TTC28: variants seen among roughly 807,000 people sequenced by gnomAD.
TTC28 encodes tetratricopeptide repeat domain 28, also known as tetratricopeptide repeat protein 28.
Under a neutral mutation model 198.0 loss-of-function variants are expected in TTC28, and 61 were observed. That is an observed-to-expected ratio of 0.31 (90% CI 0.25 to 0.38). The LOEUF (loss-of-function observed/expected upper bound fraction) is 0.38. TTC28 is among the 10% of genes least tolerant of loss of function. The pLI, the probability that TTC28 is intolerant of heterozygous loss-of-function variation, is 1.00. For synonymous variants in TTC28, 1,171 were observed against 1,297.8 expected (o/e 0.90, Z 2.10); for missense variants, 2,678 against 3,164.0 (o/e 0.85, Z 3.69).
chr22:28,177,417 A>G (rs1358021763), intron 5 of TTC28, among the ~76,000 whole-genome samples: 1 of 152,230 alleles, frequency 6.6e-6, no homozygotes, highest in Non-Finnish European at 1.5e-5. Flanking sequence ...GGAATGAAAA[A>G]TGATACAGCC....
intron 16 of TTC28, chr22:27,998,337 C>T (rs1333038142): frequency 1.2e-5 from 10 of 856,500 alleles, no homozygotes; most frequent in South Asian, 5.5e-5. Flanking sequence ...TTCTGTTGCT[C>T]CCTGGTCCAA....
intron 6 of TTC28, among the ~76,000 whole-genome samples, chr22:28,113,152 T>C (rs1223465886): frequency 6.6e-6 from 1 of 152,198 alleles, no homozygotes; most frequent in Non-Finnish European, 1.5e-5. Flanking sequence ...GAAAAATTAC[T>C]AAACATAGAA....
At chr22:28,374,898 C>A (rs933315617) in intron 2 of TTC28, among the ~76,000 whole-genome samples, 3 of 151,382 alleles carry the variant, frequency 2.0e-5, no homozygotes, top group East Asian at 3.9e-4. Context: ...GCCATGTTGG[C>A]CAGGCTGTTC....
chr22:28,205,404 T>A (rs1010232574), intron 5 of TTC28, among the ~76,000 whole-genome samples: 5 of 152,074 alleles, frequency 3.3e-5, no homozygotes, highest in African/African-American at 7.2e-5. Context: ...CCAAAAAAGA[T>A]CATGGGCACC....
chr22:28,496,875 T>G (rs935486517), intron 2 of TTC28, among the ~76,000 whole-genome samples: 1 of 152,096 alleles, frequency 6.6e-6, no homozygotes, highest in Non-Finnish European at 1.5e-5. Context: ...TCCTCCTCAC[T>G]TGCTCCAGAC....
chr22:28,156,625 G>A (rs1384003439), intron 6 of TTC28, among the ~76,000 whole-genome samples: 1 of 152,174 alleles, frequency 6.6e-6, no homozygotes, highest in Non-Finnish European at 1.5e-5. Flanking sequence ...TGTTCCACGT[G>A]TGGGCTCACT....
chr22:28,404,505 C>T, intron 2 of TTC28, among the ~76,000 whole-genome samples: 1 of 152,310 alleles, frequency 6.6e-6, no homozygotes, highest in Admixed American at 6.5e-5. Flanking sequence ...ACTTGTTATC[C>T]TCTCCAAGCA....
At chr22:28,332,089 CA>C in intron 2 of TTC28, among the ~76,000 whole-genome samples, 1 of 152,036 alleles carries the variant, frequency 6.6e-6, no homozygotes, top group Non-Finnish European at 1.5e-5. Flanking sequence ...CTTATCATTT[CA>C]AATGGTTTTA....
chr22:28,498,597 C>CAATAAAATGAT (rs2048490922), intron 2 of TTC28, among the ~76,000 whole-genome samples: 1 of 152,074 alleles, frequency 6.6e-6, no homozygotes, highest in East Asian at 1.9e-4. Flanking sequence ...CTTGGTTTCA[C>CAATAAAATGAT]AATAAAATGA....
intron 2 of TTC28, among the ~76,000 whole-genome samples, chr22:28,455,205 A>G (rs1027193207): frequency 6.6e-6 from 1 of 152,250 alleles, no homozygotes; most frequent in Non-Finnish European, 1.5e-5. Context: ...AGTGCAAGAG[A>G]TAACTTTCCA....
chr22:28,279,448 G>A (rs1279651928), intron 5 of TTC28, among the ~76,000 whole-genome samples: 1 of 152,078 alleles, frequency 6.6e-6, no homozygotes, highest in African/African-American at 2.4e-5. Context: ...TTGGCTCACT[G>A]CAACCTCCTC....
In TTC28 at chr22:27,982,264, T is replaced by C; in HGVS notation, c.7403A>G (p.Lys2468Arg). 2 of 1,475,140 alleles carry C rather than the reference T, an allele frequency of 1.4e-6. No individual in the cohort carries two copies. Among genetic ancestry groups the C allele is most frequent in the African/African-American group, 1.4e-5 (1 of 70,164 alleles). The allele number at this position is 1,475,140 out of a possible 1,614,324, so 91.4% of individuals were successfully genotyped here. A position where few individuals can be genotyped will look rare whatever the true frequency, so the allele number is the denominator to read the frequency against. The change falls in exon 23 of 23, where the codon AAG becomes AGG. Residue 2468 changes from lysine to arginine, a missense_variant. By Grantham distance (26) the Lys-to-Arg change is conservative (BLOSUM62 2). Coordinates refer to ENST00000397906, the MANE Select transcript of TTC28 (RefSeq NM_001145418.2). This position sits in a 1 kb window ranked among gnomAD's most constrained non-coding sequence, Gnocchi z 5.2. ...PLRLPSGNGY[K>R]FLSPGRFFPS... Reference sequence around the variant, plus strand: ...GAAAAATCTTCCTGGAGACAGGAACTTGTAGCCATTTCCAGAAGGAAGCCT... The same window carrying C: ...GAAAAATCTTCCTGGAGACAGGAACCTGTAGCCATTTCCAGAAGGAAGCCT...
intron 3 of TTC28, among the ~76,000 whole-genome samples, chr22:28,301,104 T>C (rs1218618139): frequency 6.6e-6 from 1 of 152,256 alleles, no homozygotes; most frequent in African/African-American, 2.4e-5. Flanking sequence ...GTTGTAATTA[T>C]GTCTCACTGG....
At chr22:28,674,852 T>C (rs1225633151) in intron 1 of TTC28, among the ~76,000 whole-genome samples, 2 of 150,098 alleles carry the variant, frequency 1.3e-5, no homozygotes, top group Non-Finnish European at 3.0e-5. Flanking sequence ...AACATGATCA[T>C]TGTAAAAATC....
At chr22:28,149,742 G>T (rs1417962469) in intron 6 of TTC28, among the ~76,000 whole-genome samples, 1 of 152,162 alleles carries the variant, frequency 6.6e-6, no homozygotes, top group African/African-American at 2.4e-5. Context: ...ACTAGAGGCT[G>T]GGAGGTGGGG....
At chr22:28,446,569 T>TC (rs886522504) in intron 2 of TTC28, among the ~76,000 whole-genome samples, 7 of 151,940 alleles carry the variant, frequency 4.6e-5, no homozygotes, top group African/African-American at 1.2e-4. Context: ...CCCACCATCA[T>TC]CCCCCCATCT....
chr22:28,532,745 G>A (rs944901866), intron 2 of TTC28, among the ~76,000 whole-genome samples: 1 of 152,104 alleles, frequency 6.6e-6, no homozygotes, highest in African/African-American at 2.4e-5. Flanking sequence ...ATGCAAGGCT[G>A]GTTCAACATA....
At chr22:28,150,275 G>T (rs1337196128) in intron 6 of TTC28, among the ~76,000 whole-genome samples, 2 of 152,124 alleles carry the variant, frequency 1.3e-5, no homozygotes, top group African/African-American at 4.8e-5. Context: ...TATCATCAAA[G>T]ACATTTACTG....
At chr22:28,370,247 A>G (rs144232814) in intron 2 of TTC28, among the ~76,000 whole-genome samples, 63 of 152,272 alleles carry the variant, frequency 4.1e-4, no homozygotes, top group African/African-American at 1.4e-3. Context: ...CCTTCTTAAC[A>G]AGCTCTCATT....
Sources: allele counts gnomAD v4.1 joint callset (sites outside exome capture counted in the v4.1 genomes callset), GRCh38; gene constraint gnomAD v4.1.1; non-coding constraint Gnocchi (gnomAD v3.1); transcripts MANE v1.5; gene names NCBI Gene and HGNC (gene_info 2026-07-23, HGNC 2026-07-21).